Variants in BCOR observed in about 807,000 individuals in gnomAD.
BCOR encodes BCL-6 corepressor.
A neutral mutation model predicts 86.7 loss-of-function variants in BCOR; 10 were observed. That is an observed-to-expected ratio of 0.12 (90% CI 0.07 to 0.20). The LOEUF (loss-of-function observed/expected upper bound fraction) is 0.20. BCOR is among the 10% of genes least tolerant of loss of function. BCOR has a pLI of 1.00. For missense variants in BCOR, 1,259 were observed against 1,452.1 expected, an observed-to-expected ratio of 0.87 and a Z score of 2.16; for synonymous variants, 611 against 609.0, an observed-to-expected ratio of 1.00 and a Z score of -0.05.
chrX:40,096,092 G>T (rs961979203), intron 1 of BCOR, among the ~76,000 whole-genome samples: 2 of 112,519 alleles, frequency 1.8e-5, no homozygotes, highest in Non-Finnish European at 3.8e-5. Context: ...CTCCGAGCGC[G>T]GGCCCCGCGG....
In BCOR at chrX:40,053,913, T is replaced by C; in HGVS notation, c.4949A>G (p.Tyr1650Cys). 5.0e-6 allele frequency: 6 copies of C among 1,211,316 alleles called. No individual in the cohort carries two copies. The highest frequency in any genetic ancestry group is 6.7e-6 in the Non-Finnish European group (6 of 895,324). Residue 1650 changes from tyrosine (Y) to cysteine (C), a missense_variant, in exon 14 of 15, where the codon TAT (tyrosine) becomes TGT (cysteine). Physicochemically the swap from Tyr to Cys is radical, Grantham distance 194 (BLOSUM62 -2). Coordinates refer to ENST00000378444, the MANE Select transcript of BCOR (RefSeq NM_001123385.2). Reference protein sequence around the residue: ...EFSETPLLPCYNIQVSVAQGP... With the variant: ...EFSETPLLPCCNIQVSVAQGP... ...CTGAGCCACAGATACTTGGATGTTA[T>C]AACACGGTAAGAGGGGGGTCTCTGA...
At chrX:40,114,525 T>C (rs1937363214) in intron 1 of BCOR, among the ~76,000 whole-genome samples, 1 of 111,596 alleles carries the variant, frequency 9.0e-6, no homozygotes, top group African/African-American at 3.3e-5. Context: ...TGCCAATCAT[T>C]TGGTCCTTAA....
rs1276093625 is a variant in BCOR, at chrX:40,077,984, G to GA, written c.-40-16dup. ...AAGCGTCTAGTCTGTTAAAAGGAAA[G>GA]AAAAAAAATCCCAGGAGGTTCAGTA... On this transcript the variant is annotated splice_polypyrimidine_tract_variant and intron_variant, in intron 1 of 14. Transcript: ENST00000378444. 2.5e-5 allele frequency: 26 copies of GA among 1,054,330 alleles called. No individual in the cohort carries two copies. The highest frequency in any genetic ancestry group is 5.5e-5 in the African/African-American group (3 of 54,223). 86.9% of individuals were successfully genotyped at this position (1,054,330 alleles called of 1,213,427 possible).
chrX:40,176,389 GC>G (rs1938753779), intron 1 of BCOR, among the ~76,000 whole-genome samples: 1 of 112,221 alleles, frequency 8.9e-6, no homozygotes, highest in African/African-American at 3.2e-5. Flanking sequence ...AGCCCCGCGG[GC>G]CCCCCCGCCA....
chrX:40,129,998 T>C (rs1937586502), intron 1 of BCOR, among the ~76,000 whole-genome samples: 1 of 110,935 alleles, frequency 9.0e-6, no homozygotes, highest in African/African-American at 3.3e-5. Context: ...CACTCCAGCC[T>C]GGGCAACAGA....
chrX:40,074,804 A>G lies in BCOR; in HGVS notation c.542T>C (p.Ile181Thr). 5 of 1,211,800 alleles carry G rather than the reference A, an allele frequency of 4.1e-6. No individual in the cohort carries two copies. The highest frequency in any genetic ancestry group is 5.6e-6 in the Non-Finnish European group (5 of 895,514). The change falls in exon 4 of 15, where the codon ATC becomes ACC. Residue 181 changes from isoleucine to threonine, a missense_variant. Ile to Thr is a moderately conservative substitution (Grantham distance 89). This residue lies in a region of BCOR where 174 missense variants were observed against 189.3 expected (regional missense o/e 0.92). Coordinates refer to ENST00000378444, the MANE Select transcript of BCOR (RefSeq NM_001123385.2). ...PASDKQSPLN[I>T]NGASYLRLPW... The stretch of plus-strand genomic sequence containing the variant: ...CAGCCGCAGATAACTAGCACCATTG[A>G]TGTTGAGAGGGCTCTGTTTGTCGCT...
chrX:40,136,865 T>A (rs1937691300), intron 1 of BCOR, among the ~76,000 whole-genome samples: 1 of 112,516 alleles, frequency 8.9e-6, no homozygotes, highest in Non-Finnish European at 1.9e-5. Flanking sequence ...TTGTCCCTGA[T>A]GAAGAATGAG....
Position 40,052,208 on chromosome X carries a change from C to T in BCOR, c.5169G>A (p.Leu1723=), listed in dbSNP as rs1436416404. 8.3e-7 allele frequency: 1 copy of T among 1,211,642 alleles called. No homozygotes were observed. Among genetic ancestry groups the T allele is most frequent in the Non-Finnish European group, 1.1e-6 (1 of 895,320 alleles). The part of the protein sequence containing the change: ...LEAFNPESKE[L]LDLVEFTNEI... The stretch of plus-strand genomic sequence containing the variant: ...CGTTCGTGAATTCCACCAGATCTAA[C>T]AGCTCCTTACTTTCAGGGTTGAAGG... Residue 1723 remains leucine (L), a synonymous_variant, in exon 15 of 15, where the codon CTG becomes CTA. Coordinates refer to ENST00000378444, the MANE Select transcript of BCOR (RefSeq NM_001123385.2).
intron 1 of BCOR, among the ~76,000 whole-genome samples, chrX:40,163,633 G>C (rs1391758154): frequency 1.2e-5 from 1 of 81,010 alleles, no homozygotes; most frequent in East Asian, 4.0e-4. Context: ...CTCCTCCCAA[G>C]TGGAAGTAGG....
chrX:40,148,212 G>A (rs1453396151), intron 1 of BCOR, among the ~76,000 whole-genome samples: 1 of 111,781 alleles, frequency 8.9e-6, no homozygotes, highest in Non-Finnish European at 1.9e-5. Flanking sequence ...ACCAGCAACA[G>A]TGTAACGTGA....
At position 40,127,727 on chromosome X, in the gene BCOR, G is replaced by C. The variant is rs1290085141; in HGVS notation, c.-41+49280C>G. ...CTTAAAAAAAAAAAATTAAAATCTGGCCAGGAGTGGTGGCTCTCACCTGCA... is the reference window on the plus strand; with the variant it reads ...CTTAAAAAAAAAAAATTAAAATCTGCCCAGGAGTGGTGGCTCTCACCTGCA... On this transcript the variant is annotated intron_variant, in intron 1 of 14. Transcript: ENST00000342274. Among the ~76,000 whole-genome samples, 3 of 107,517 alleles carry C rather than the reference G, an allele frequency of 2.8e-5. No homozygotes were observed. The East Asian group carries it at 8.8e-4, about 32-fold the overall frequency. 93.4% of individuals were successfully genotyped at this position (107,517 alleles called of 115,157 possible). A position where few individuals can be genotyped will look rare whatever the true frequency, so the allele number is the denominator to read the frequency against.
In BCOR at chrX:40,063,917, A is replaced by AG. The variant is rs1239909026; in HGVS notation, c.3537dup (p.Ser1180LeufsTer2). 1.7e-6 allele frequency: 2 copies of AG among 1,202,647 alleles called. No individual in the cohort carries two copies. The highest frequency in any genetic ancestry group is 3.5e-5 in the African/African-American group (2 of 56,400). On this transcript the variant is annotated frameshift_variant, in exon 8 of 15. Transcript: ENST00000378444. LOFTEE classifies it high-confidence loss of function. Reference sequence around the variant, plus strand: ...TAATGTGGGTCTTCTAAGTGGTTAGAGGAACTGTTTGTCATTTCCCTCTCA... The same window carrying AG: ...TAATGTGGGTCTTCTAAGTGGTTAGAGGGAACTGTTTGTCATTTCCCTCTCA...
At chrX:40,149,008 C>T (rs2147983143) in intron 1 of BCOR, among the ~76,000 whole-genome samples, 1 of 111,280 alleles carries the variant, frequency 9.0e-6, no homozygotes, top group South Asian at 3.8e-4. Flanking sequence ...AGCCCCACAC[C>T]TCTTCCTCTG....
chrX:40,157,731 G>C (rs143807233), intron 1 of BCOR, among the ~76,000 whole-genome samples: 1,969 of 111,917 alleles, frequency 0.018, 55 homozygotes, highest in African/African-American at 0.061. Context: ...CCTGAGCCCA[G>C]CGGGAGATCA....
intron 1 of BCOR, among the ~76,000 whole-genome samples, chrX:40,088,248 A>AC (rs1350614150): frequency 1.8e-5 from 2 of 112,819 alleles, no homozygotes; most frequent in South Asian, 7.2e-4. Flanking sequence ...AGCCCAGGCT[A>AC]CACACTGAGG....
chrX:40,105,084 G>C (rs1411111181), intron 1 of BCOR, among the ~76,000 whole-genome samples: 1 of 110,408 alleles, frequency 9.1e-6, no homozygotes, highest in Non-Finnish European at 1.9e-5. Flanking sequence ...TGCGCTTCAC[G>C]TGCCCGCCAT....
intron 1 of BCOR, among the ~76,000 whole-genome samples, chrX:40,115,555 C>T (rs985450379): frequency 9.1e-6 from 1 of 109,332 alleles, no homozygotes; most frequent in Non-Finnish European, 1.9e-5. Context: ...GTAGGCGGAT[C>T]GCTTGAGGTC....
intron 1 of BCOR, among the ~76,000 whole-genome samples, chrX:40,078,996 G>T (rs1358336115): frequency 8.9e-6 from 1 of 111,847 alleles, no homozygotes. Flanking sequence ...TCTTTTGACT[G>T]CGCTTCAGCC....
At chrX:40,088,307 G>A (rs1479791246) in intron 1 of BCOR, among the ~76,000 whole-genome samples, 2 of 112,605 alleles carry the variant, frequency 1.8e-5, no homozygotes, top group African/African-American at 6.5e-5. Context: ...CTTTAAAATC[G>A]TGCGCTAAAA....
Sources: allele counts gnomAD v4.1 joint callset (sites outside exome capture counted in the v4.1 genomes callset), GRCh38; gene constraint gnomAD v4.1.1; regional missense constraint gnomAD v4.1.1; transcripts MANE v1.5; gene names NCBI Gene and HGNC (gene_info 2026-07-23, HGNC 2026-07-21).